The following AUTS2 variants were observed in gnomAD, a reference collection of about 807,000 sequenced individuals.
AUTS2 encodes autism susceptibility gene 2 protein.
In AUTS2, 17 loss-of-function variants were observed where a neutral mutation model predicts 112.4. That is an observed-to-expected ratio of 0.15 (90% confidence interval 0.10 to 0.23). The LOEUF (loss-of-function observed/expected upper bound fraction) is 0.23. Among genes scored for constraint, AUTS2 ranks in the 10% least tolerant of loss-of-function variants. AUTS2 has a pLI of 1.00. For synonymous variants in AUTS2, 751 were observed against 702.7 expected (o/e 1.07, Z -1.09); for missense variants, 1,510 against 1,701.6 (o/e 0.89, Z 1.98).
At chr7:70,354,950 G>T (rs1380544269) in intron 4 of AUTS2, among the ~76,000 whole-genome samples, 1 of 151,626 alleles carries the variant, frequency 6.6e-6, no homozygotes, top group African/African-American at 2.4e-5. Context: ...CTATTAGAAA[G>T]GGCTGCTGTG....
chr7:70,117,642 T>A (rs992910579), intron 2 of AUTS2, among the ~76,000 whole-genome samples: 1 of 152,248 alleles, frequency 6.6e-6, no homozygotes, highest in Admixed American at 6.5e-5. Context: ...CATTTCATGG[T>A]GAATATTTTG....
intron 4 of AUTS2, among the ~76,000 whole-genome samples, chr7:70,170,345 C>T (rs530393961): frequency 1.2e-4 from 18 of 151,726 alleles, no homozygotes; most frequent in Non-Finnish European, 2.2e-4. Flanking sequence ...AGTGTTGGGG[C>T]TTCACCGTGT....
intron 5 of AUTS2, among the ~76,000 whole-genome samples, chr7:70,650,168 G>A (rs1002071406): frequency 5.3e-5 from 8 of 152,154 alleles, no homozygotes; most frequent in Non-Finnish European, 7.3e-5. Context: ...TCTTCCTCAC[G>A]TACCTCTTTT....
At chr7:69,832,187 G>T (rs1791532456) in intron 1 of AUTS2, among the ~76,000 whole-genome samples, 1 of 152,100 alleles carries the variant, frequency 6.6e-6, no homozygotes. Flanking sequence ...CTGGATCTGG[G>T]TTGAACTCCT....
intron 4 of AUTS2, among the ~76,000 whole-genome samples, chr7:70,404,363 C>T (rs1331561045): frequency 2.0e-5 from 3 of 152,162 alleles, no homozygotes; most frequent in African/African-American, 7.2e-5. Flanking sequence ...GTCTATATCT[C>T]TCTGGCTTCA....
intron 5 of AUTS2, among the ~76,000 whole-genome samples, chr7:70,639,645 C>A (rs1456462781): frequency 4.0e-5 from 5 of 126,248 alleles, no homozygotes; most frequent in Non-Finnish European, 8.3e-5. Flanking sequence ...AATAGGGAAT[C>A]AGTCATCCCC....
At chr7:70,108,989 G>A (rs903553989) in intron 2 of AUTS2, among the ~76,000 whole-genome samples, 7 of 152,022 alleles carry the variant, frequency 4.6e-5, no homozygotes, top group African/African-American at 1.2e-4. Context: ...TTGCTAGGAT[G>A]ACAAGGTGTT....
intron 3 of AUTS2, among the ~76,000 whole-genome samples, chr7:70,121,380 G>A (rs1016371122): frequency 2.6e-5 from 4 of 152,024 alleles, no homozygotes; most frequent in African/African-American, 9.7e-5. Flanking sequence ...TCACACCAAA[G>A]AGCATTATCA....
Position 70,536,317 on chromosome 7 carries a change from A to G in AUTS2, c.690+100536A>G, listed in dbSNP as rs188594032. Among the ~76,000 whole-genome samples the G allele has an allele frequency of 1.1e-4, 16 of 152,264 alleles. No individual in the cohort carries two copies. In the East Asian group the frequency reaches 1.9e-3, roughly 18 times the overall value. On this transcript the variant is annotated intron_variant, in intron 5 of 18. Coordinates refer to ENST00000342771, the MANE Select transcript of AUTS2 (RefSeq NM_015570.4). ...AAATTAAAAAATAAAAGTAATTAAG[A>G]GTCAAAGGGCATCATTACATAGAGA... is the stretch of plus-strand genomic sequence containing the variant.
chr7:69,698,346 C>T (rs1275221990), intron 1 of AUTS2, among the ~76,000 whole-genome samples: 1 of 152,118 alleles, frequency 6.6e-6, no homozygotes, highest in Non-Finnish European at 1.5e-5. Context: ...CATTTCTAGT[C>T]TCTAACCTTA....
rs112021137 is a variant in AUTS2 at position 70,640,991 on chromosome 7, G to A, written c.691-57578G>A. ...ACATCATTTCTCACCTCCCAGGCCTGCCATTCAAAGTCATCCACAGTTGCT... is the reference window on the plus strand; with the variant it reads ...ACATCATTTCTCACCTCCCAGGCCTACCATTCAAAGTCATCCACAGTTGCT... On this transcript the variant is annotated intron_variant, in intron 5 of 18. Coordinates refer to ENST00000342771, the MANE Select transcript of AUTS2 (RefSeq NM_015570.4). Among the ~76,000 whole-genome samples the A allele has an allele frequency of 3.8e-3, 585 of 152,228 alleles. 2 individuals are homozygous for A. The highest frequency in any genetic ancestry group is 0.01 in the South Asian group (50 of 4,812).
intron 1 of AUTS2, among the ~76,000 whole-genome samples, chr7:69,804,512 G>A (rs1240927799): frequency 1.3e-5 from 2 of 152,174 alleles, no homozygotes; most frequent in Non-Finnish European, 2.9e-5. Flanking sequence ...TACTTTCTAA[G>A]AGTCAGTAAA....
intron 4 of AUTS2, among the ~76,000 whole-genome samples, chr7:70,298,637 T>C (rs1274431323): frequency 6.6e-6 from 1 of 152,232 alleles, no homozygotes. Flanking sequence ...TAACCATGTC[T>C]GGCTGAGGCA....
intron 5 of AUTS2, among the ~76,000 whole-genome samples, chr7:70,478,281 C>A (rs1797657652): frequency 6.6e-6 from 1 of 152,122 alleles, no homozygotes; most frequent in South Asian, 2.1e-4. Flanking sequence ...CCCAGAAATA[C>A]CCACTGCTGA....
chr7:70,080,632 G>A (rs1486577879), intron 2 of AUTS2, among the ~76,000 whole-genome samples: 2 of 152,112 alleles, frequency 1.3e-5, no homozygotes, highest in Non-Finnish European at 1.5e-5. Flanking sequence ...CTTTTCCCAA[G>A]GAGCTGGTTG....
chr7:70,134,960 T>G (rs1806473240), intron 4 of AUTS2, among the ~76,000 whole-genome samples: 1 of 152,168 alleles, frequency 6.6e-6, no homozygotes, highest in South Asian at 2.1e-4. Flanking sequence ...ATAACATCTC[T>G]TCATATACAA....
chr7:70,557,142 A>G (rs1801282072), intron 5 of AUTS2, among the ~76,000 whole-genome samples: 1 of 151,422 alleles, frequency 6.6e-6, no homozygotes, highest in Non-Finnish European at 1.5e-5. Flanking sequence ...TTGGATGCAT[A>G]TACCTCATTC....
chr7:69,852,650 A>G (rs903946946), intron 1 of AUTS2, among the ~76,000 whole-genome samples: 16 of 151,992 alleles, frequency 1.1e-4, no homozygotes, highest in Non-Finnish European at 1.6e-4. Flanking sequence ...ACAGGGTTTC[A>G]CCATGTTGGC....
intron 2 of AUTS2, among the ~76,000 whole-genome samples, chr7:70,053,544 G>A (rs796921145): frequency 1.3e-4 from 17 of 127,848 alleles, no homozygotes; most frequent in Admixed American, 1.3e-3. Flanking sequence ...GTTTTGGGTG[G>A]TTTTTTTTTT....
Sources: gnomAD v4.1 joint callset for allele counts (sites outside exome capture counted in the v4.1 genomes callset) on GRCh38, gnomAD v4.1.1 for gene constraint, MANE v1.5 for transcripts, NCBI Gene and HGNC (gene_info 2026-07-23, HGNC 2026-07-21) for gene names.